Variants in SGMS1 observed in about 807,000 individuals in gnomAD.
SGMS1 encodes the protein sphingomyelin synthase 1, also known as phosphatidylcholine:ceramide cholinephosphotransferase 1.
A neutral mutation model predicts 46.2 loss-of-function variants in SGMS1; 13 were observed. That is an observed-to-expected ratio of 0.28 (90% CI 0.18 to 0.45). The LOEUF (loss-of-function observed/expected upper bound fraction) is 0.45. Among genes scored for constraint, SGMS1 ranks in the 20% least tolerant of loss-of-function variants. The pLI is 1.00. For missense variants in SGMS1, 324 were observed against 519.9 expected (o/e 0.62, Z 3.66); for synonymous variants, 203 against 187.8 (o/e 1.08, Z -0.66).
chr10:50,310,825 G>A (rs999802366), intron 9 of SGMS1, among the ~76,000 whole-genome samples: 2 of 152,208 alleles, frequency 1.3e-5, no homozygotes, highest in African/African-American at 2.4e-5. Context: ...ACAGGGATGA[G>A]TCTGACCCAT....
chr10:50,612,151 T>C (rs1001502356), intron 1 of SGMS1, among the ~76,000 whole-genome samples: 12 of 152,210 alleles, frequency 7.9e-5, no homozygotes, highest in East Asian at 3.9e-4. Flanking sequence ...TCTGTGACTA[T>C]TGGGAACTCC....
At chr10:50,315,615 T>G (rs1847326795) in intron 8 of SGMS1, among the ~76,000 whole-genome samples, 1 of 152,274 alleles carries the variant, frequency 6.6e-6, no homozygotes, top group Non-Finnish European at 1.5e-5. Context: ...GCCCAGTGTT[T>G]TTTGGCTGCA....
chr10:50,544,489 T>C (rs978834887), intron 2 of SGMS1, among the ~76,000 whole-genome samples: 6 of 152,240 alleles, frequency 3.9e-5, no homozygotes, highest in Non-Finnish European at 7.3e-5. Context: ...TCTCTCTCAC[T>C]CAGATTTTCA....
intron 3 of SGMS1, among the ~76,000 whole-genome samples, chr10:50,500,333 G>GT (rs545136461): frequency 3.3e-4 from 51 of 152,292 alleles, no homozygotes; most frequent in African/African-American, 1.2e-3. Context: ...AATAGCTGCT[G>GT]TTCTGTTTAT....
intron 2 of SGMS1, among the ~76,000 whole-genome samples, chr10:50,575,270 T>C (rs1838373721): frequency 6.6e-6 from 1 of 152,114 alleles, no homozygotes; most frequent in South Asian, 2.1e-4. Context: ...AAGGTATATC[T>C]GGGCCAGGCA....
In SGMS1 at chr10:50,310,399, T is replaced by A. The variant is rs76780289; in HGVS notation, c.895+863A>T. ...AGAGAAATGAATAAATATGTGTAGT[T>A]CATTTCTAGCACTGTAATATTAATA... On this transcript the variant is annotated intron_variant, in intron 9 of 10. Coordinates refer to ENST00000361781, the MANE Select transcript of SGMS1 (RefSeq NM_147156.4). Among the ~76,000 whole-genome samples, 4,469 of 152,330 alleles carry A rather than the reference T, an allele frequency of 0.029. 454 individuals are homozygous for A. The East Asian group carries it at 0.34, about 12-fold the overall frequency.
Position 50,306,284 on chromosome 10 carries a change from A to G in SGMS1, c.*858T>C, listed in dbSNP as rs1847181612. On this transcript the variant is annotated 3_prime_UTR_variant, in exon 11 of 11. Transcript: ENST00000361781. ...AGCAGTCTTCTGATTCAATTTAGCT[A>G]TAAATGCAAAATTTAGTAGTGTATA... The G allele has an allele frequency of 6.6e-6, 1 of 152,596 alleles. No individual in the cohort carries two copies. Among genetic ancestry groups the G allele is most frequent in the South Asian group, 2.1e-4 (1 of 4,826 alleles). 9.5% of individuals were successfully genotyped at this position (152,596 alleles called of 1,614,324 possible).
chr10:50,423,070 A>G (rs1849276385), intron 6 of SGMS1, among the ~76,000 whole-genome samples: 1 of 152,250 alleles, frequency 6.6e-6, no homozygotes, highest in Admixed American at 6.5e-5. Context: ...CAAATGAATT[A>G]GTCAGCAGTG....
At chr10:50,535,083 T>C (rs2133809492) in intron 2 of SGMS1, among the ~76,000 whole-genome samples, 1 of 152,034 alleles carries the variant, frequency 6.6e-6, no homozygotes, top group South Asian at 2.1e-4. Flanking sequence ...AATACAAAAA[T>C]TAGCCCGGCA....
chr10:50,334,084 ATGAAATTAAAATGTTACTTCC>A (rs1156427582), intron 7 of SGMS1, among the ~76,000 whole-genome samples: 13 of 152,212 alleles, frequency 8.5e-5, no homozygotes, highest in African/African-American at 3.1e-4. Context: ...CTTTTTGCTA[ATGAAATTAAAATGTTACTTCC>A]TGACTTATAT....
At chr10:50,372,717 G>C (rs528386073) in intron 6 of SGMS1, among the ~76,000 whole-genome samples, 19 of 69,002 alleles carry the variant, frequency 2.8e-4, no homozygotes, top group African/African-American at 9.8e-4. Context: ...AACACACACA[G>C]CTAAGATTTT....
intron 6 of SGMS1, among the ~76,000 whole-genome samples, chr10:50,408,769 G>C (rs897783737): frequency 3.3e-5 from 5 of 152,078 alleles, no homozygotes; most frequent in Non-Finnish European, 7.4e-5. Context: ...TGGGTCGGGG[G>C]GGCAGTTGAG....
chr10:50,600,920 C>T (rs759637848), intron 1 of SGMS1, among the ~76,000 whole-genome samples: 1 of 152,032 alleles, frequency 6.6e-6, no homozygotes, highest in Admixed American at 6.6e-5. Flanking sequence ...CAGCAAGGAA[C>T]CACAAAGGAC....
At chr10:50,574,967 A>G (rs761132633) in intron 2 of SGMS1, among the ~76,000 whole-genome samples, 2 of 139,372 alleles carry the variant, frequency 1.4e-5, no homozygotes, top group African/African-American at 2.5e-5. Context: ...TGTGGTGTAT[A>G]TATATATATA....
intron 3 of SGMS1, among the ~76,000 whole-genome samples, chr10:50,487,979 T>C (rs1309862367): frequency 4.1e-5 from 6 of 147,348 alleles, no homozygotes; most frequent in Non-Finnish European, 9.0e-5. Flanking sequence ...TTTTATTTTG[T>C]TTTTATTTTA....
At chr10:50,322,958 C>G (rs1476196067) in intron 8 of SGMS1, among the ~76,000 whole-genome samples, 1 of 152,084 alleles carries the variant, frequency 6.6e-6, no homozygotes, top group Admixed American at 6.5e-5. Context: ...ATTTGGCAGC[C>G]TCCAGTGTAA....
chr10:50,460,899 T>C (rs2133684827), intron 4 of SGMS1, 85 bp from the exon 5 acceptor site: 1 of 152,364 alleles, frequency 6.6e-6, no homozygotes, highest in Admixed American at 6.5e-5. Flanking sequence ...GTAAATTCAG[T>C]CCAGCTCACT....
rs183118299 is a variant in SGMS1 at position 50,607,892 on chromosome 10, A to C, written c.-684+15815T>G. 2.8e-4 allele frequency among the ~76,000 whole-genome samples: 42 copies of C among 152,346 alleles called. No individual in the cohort carries two copies. In the East Asian group the frequency reaches 6.4e-3, roughly 23 times the overall value. ...CATATTGTATTACATGGACAGAGCC[A>C]GCAAAAATAATAATATAAAAACAAA... On this transcript the variant is annotated intron_variant, in intron 1 of 10. Coordinates refer to ENST00000361781, the MANE Select transcript of SGMS1 (RefSeq NM_147156.4).
At chr10:50,492,711 T>C (rs1202915006) in intron 3 of SGMS1, among the ~76,000 whole-genome samples, 1 of 152,178 alleles carries the variant, frequency 6.6e-6, no homozygotes, top group African/African-American at 2.4e-5. Flanking sequence ...ATCAATATTG[T>C]TATAATGGCC....
Sources: allele counts gnomAD v4.1 joint callset (sites outside exome capture counted in the v4.1 genomes callset), GRCh38; gene constraint gnomAD v4.1.1; transcripts MANE v1.5; gene names NCBI Gene and HGNC (gene_info 2026-07-23, HGNC 2026-07-21).